Variants in PTPN1 observed in about 807,000 individuals in gnomAD.
PTPN1 encodes the protein protein tyrosine phosphatase non-receptor type 1.
A neutral mutation model predicts 59.9 loss-of-function variants in PTPN1; 12 were observed. That is an observed-to-expected ratio of 0.20 (90% confidence interval 0.13 to 0.32). The LOEUF is 0.32. Ranked by LOEUF, PTPN1 falls within the 10% of genes least tolerant of loss-of-function variation. The pLI is 1.00. For synonymous variants in PTPN1, 178 were observed against 203.6 expected (o/e 0.87, Z 1.07); for missense variants, 356 against 549.2 (o/e 0.65, Z 3.52).
Position 50,574,604 on chromosome 20 carries a change from GA to G in PTPN1, c.443del (p.Asp148ValfsTer11). 6.2e-7 allele frequency: 1 copy of G among 1,608,260 alleles called. No individual in the cohort carries two copies. Among genetic ancestry groups the G allele is most frequent in the Non-Finnish European group, 8.5e-7 (1 of 1,178,152 alleles). On this transcript the variant is annotated frameshift_variant, in exon 5 of 10. Coordinates refer to ENST00000371621, the MANE Select transcript of PTPN1 (RefSeq NM_002827.4). LOFTEE classifies it high-confidence loss of function. ...TNLKLTLISE[D>X]IKSYYTVRQL... ...TTTGAAATTAACATTGATCTCTGAA[GA>G]TATCAAGTCATATTATACAGTGCGA...
chr20:50,579,320 T>C lies in PTPN1; in HGVS notation c.855T>C (p.Ser285=), dbSNP rs755128954. ...IEGAKFIMGD[S]SVQDQWKELS... is the part of the protein sequence containing the mutation. ...GTGCCAAATTCATCATGGGGGACTCTTCCGTGCAGGTCAGCATTGCCTTTG... is the reference window on the plus strand; with the variant it reads ...GTGCCAAATTCATCATGGGGGACTCCTCCGTGCAGGTCAGCATTGCCTTTG... Residue 285 remains serine (S), a synonymous_variant, in exon 7 of 10, where the codon TCT becomes TCC. Transcript: ENST00000371621. The C allele has an allele frequency of 6.8e-6, 11 of 1,613,970 alleles. No homozygotes were observed. The Admixed American group carries it at 8.3e-5, about 12-fold the overall frequency.
chr20:50,533,430 ACCCACTG>A (rs1216957582), intron 1 of PTPN1, among the ~76,000 whole-genome samples: 1 of 151,944 alleles, frequency 6.6e-6, no homozygotes, highest in East Asian at 1.9e-4. Flanking sequence ...ACATCACATT[ACCCACTG>A]CCCCCTGCCC....
chr20:50,518,265 C>A (rs1005337403), intron 1 of PTPN1, among the ~76,000 whole-genome samples: 1 of 152,158 alleles, frequency 6.6e-6, no homozygotes, highest in East Asian at 1.9e-4. Flanking sequence ...AAGTGAACAT[C>A]AAGTAATTAT....
intron 1 of PTPN1, among the ~76,000 whole-genome samples, chr20:50,548,029 A>AT (rs374742186): frequency 1.3e-4 from 20 of 151,654 alleles, no homozygotes; most frequent in East Asian, 3.8e-4. Flanking sequence ...TACTTTGAAG[A>AT]TTTTTTTTTA....
Position 50,582,650 on chromosome 20 carries a change from G to T in PTPN1, c.1285-42G>T, listed in dbSNP as rs374381286. 5.6e-6 allele frequency: 9 copies of T among 1,610,382 alleles called. No individual in the cohort carries two copies. In the South Asian group the frequency reaches 7.8e-5, roughly 14 times the overall value. ...CATGCATGAGGCGACAGCTCTGCAG[G>T]TGCGGGTCTGGGCTCATCTGAACTG... is the stretch of plus-strand genomic sequence containing the variant. On this transcript the variant is annotated intron_variant, in intron 9 of 9. Transcript: ENST00000371621. The surrounding 1 kb of genome is among the most constrained non-coding windows in gnomAD (Gnocchi z 4.2).
chr20:50,557,297 C>G (rs777872096), intron 1 of PTPN1, among the ~76,000 whole-genome samples: 1 of 152,130 alleles, frequency 6.6e-6, no homozygotes. Flanking sequence ...GTGGCACCAT[C>G]GTAGCTCACT....
intron 1 of PTPN1, among the ~76,000 whole-genome samples, chr20:50,517,582 C>T (rs1469994689): frequency 1.3e-5 from 2 of 152,032 alleles, no homozygotes; most frequent in African/African-American, 2.4e-5. Context: ...AAGAGAAAAA[C>T]GTATGACATC....
At chr20:50,565,420 G>A (rs1282508426) in intron 3 of PTPN1, among the ~76,000 whole-genome samples, 1 of 152,244 alleles carries the variant, frequency 6.6e-6, no homozygotes, top group South Asian at 2.1e-4. Context: ...TAGAGCACTT[G>A]TGATGGCAAA....
rs146989951 is a variant in PTPN1, at chr20:50,561,156, C to T, written c.64-207C>T. Among the ~76,000 whole-genome samples the T allele has an allele frequency of 3.3e-3, 501 of 152,272 alleles. 2 individuals carry two copies. The highest frequency in any genetic ancestry group is 4.4e-3 in the Non-Finnish European group (300 of 68,018). On this transcript the variant is annotated intron_variant, in intron 1 of 9. Transcript: ENST00000371621. ...CTGTCTGTCTCTCTGCCCTCTTCCTCGTCTTTCCATCTTCCTGCCCCACAT... is the reference window on the plus strand; with the variant it reads ...CTGTCTGTCTCTCTGCCCTCTTCCTTGTCTTTCCATCTTCCTGCCCCACAT...
intron 1 of PTPN1, among the ~76,000 whole-genome samples, chr20:50,530,667 G>A (rs1336970291): frequency 1.3e-5 from 2 of 150,980 alleles, no homozygotes; most frequent in Non-Finnish European, 2.9e-5. Flanking sequence ...GATTACAAGC[G>A]TGAGCCACCA....
intron 1 of PTPN1, among the ~76,000 whole-genome samples, chr20:50,554,848 AAG>A (rs1387511135): frequency 1.3e-5 from 2 of 152,202 alleles, no homozygotes; most frequent in African/African-American, 2.4e-5. Flanking sequence ...GATGCAAAAA[AAG>A]AAAAACATTC....
chr20:50,545,451 T>C (rs1025304842), intron 1 of PTPN1, among the ~76,000 whole-genome samples: 1 of 152,240 alleles, frequency 6.6e-6, no homozygotes, highest in African/African-American at 2.4e-5. Flanking sequence ...ATCTTTGCTG[T>C]TTATTCAGCA....
intron 1 of PTPN1, among the ~76,000 whole-genome samples, chr20:50,517,264 A>AT (rs996575362): frequency 9.9e-5 from 15 of 151,822 alleles, no homozygotes; most frequent in South Asian, 8.3e-4. Flanking sequence ...TTTTTTTAAT[A>AT]TTTTTTTTGA....
chr20:50,562,384 G>A (rs734589), intron 2 of PTPN1, among the ~76,000 whole-genome samples: 70,147 of 151,946 alleles, frequency 0.46, 16,913 homozygotes, highest in Middle Eastern at 0.64. Context: ...ATTCCTGGAA[G>A]GGGTCTAAAA....
chr20:50,526,568 T>C (rs1568775954), intron 1 of PTPN1, among the ~76,000 whole-genome samples: 2 of 152,194 alleles, frequency 1.3e-5, no homozygotes, highest in Non-Finnish European at 2.9e-5. Context: ...AGCTATTTCC[T>C]TCCCTGGCAG....
intron 8 of PTPN1, 37 bp downstream of exon 8, chr20:50,579,963 GA>G: frequency 1.3e-6 from 2 of 1,578,376 alleles, no homozygotes; most frequent in Non-Finnish European, 1.7e-6. Context: ...GGGGTGAGGG[GA>G]AATGACTTTC....
intron 1 of PTPN1, among the ~76,000 whole-genome samples, chr20:50,551,594 G>A (rs1306239104): frequency 6.7e-6 from 1 of 149,676 alleles, no homozygotes. Context: ...GATGTGTGGC[G>A]TTTTATTCTA....
chr20:50,524,816 C>G (rs1601388085), intron 1 of PTPN1, among the ~76,000 whole-genome samples: 3 of 151,844 alleles, frequency 2.0e-5, no homozygotes, highest in Non-Finnish European at 1.5e-5. Context: ...ACCTCATGAT[C>G]CACTCACTTC....
At chr20:50,534,467 G>T (rs918087400) in intron 1 of PTPN1, among the ~76,000 whole-genome samples, 2 of 152,130 alleles carry the variant, frequency 1.3e-5, no homozygotes, top group African/African-American at 4.8e-5. Context: ...TAAGCTTTCT[G>T]CTGCTTTTGT....
Sources: allele counts gnomAD v4.1 joint callset (sites outside exome capture counted in the v4.1 genomes callset), GRCh38; gene constraint gnomAD v4.1.1; non-coding constraint Gnocchi (gnomAD v3.1); transcripts MANE v1.5; gene names NCBI Gene and HGNC (gene_info 2026-07-23, HGNC 2026-07-21).